Variants in FOXP1 observed in about 807,000 individuals in gnomAD.
FOXP1 encodes the protein forkhead box P1.
In FOXP1, 15 loss-of-function variants were observed where a neutral mutation model predicts 98.2. The ratio of observed to expected loss-of-function variants is 0.15; its 90% confidence interval spans 0.10 to 0.24. The LOEUF is 0.24. FOXP1 is among the 10% of genes least tolerant of loss of function. FOXP1 has a pLI of 1.00. For synonymous variants in FOXP1, 371 were observed against 314.5 expected, an observed-to-expected ratio of 1.18 and a Z score of -1.90; for missense variants, 633 against 848.5, an observed-to-expected ratio of 0.75 and a Z score of 3.15.
intron 6 of FOXP1, among the ~76,000 whole-genome samples, chr3:71,194,097 A>G (rs2063161165): frequency 1.3e-5 from 2 of 152,194 alleles, no homozygotes; most frequent in African/African-American, 4.8e-5. Flanking sequence ...CACTTTCTAA[A>G]TAATACATGT....
At chr3:71,398,980 G>C (rs576578289) in intron 3 of FOXP1, among the ~76,000 whole-genome samples, 1 of 152,118 alleles carries the variant, frequency 6.6e-6, no homozygotes, top group African/African-American at 2.4e-5. Context: ...GAACTATACA[G>C]CTATTTTATT....
chr3:71,555,066 A>C (rs941898612), intron 2 of FOXP1, among the ~76,000 whole-genome samples: 1 of 152,246 alleles, frequency 6.6e-6, no homozygotes, highest in Non-Finnish European at 1.5e-5. Context: ...TACAATGTAT[A>C]TATTTTTTAA....
intron 5 of FOXP1, among the ~76,000 whole-genome samples, chr3:71,284,982 C>A (rs1224453020): frequency 1.3e-5 from 2 of 151,960 alleles, no homozygotes; most frequent in Non-Finnish European, 2.9e-5. Context: ...AAATTAACTT[C>A]ATAAGAACTT....
At chr3:71,143,637 T>A (rs1382731155) in intron 6 of FOXP1, among the ~76,000 whole-genome samples, 1 of 152,204 alleles carries the variant, frequency 6.6e-6, no homozygotes, top group Non-Finnish European at 1.5e-5. Context: ...CTCACATATG[T>A]AATTCCAGTG....
intron 4 of FOXP1, among the ~76,000 whole-genome samples, chr3:71,340,791 G>A (rs967073577): frequency 6.6e-6 from 1 of 152,054 alleles, no homozygotes; most frequent in East Asian, 1.9e-4. Flanking sequence ...TGTAAATATG[G>A]CCTAAATGTC....
chr3:71,145,403 G>A (rs1006753950), intron 6 of FOXP1, among the ~76,000 whole-genome samples: 12 of 152,078 alleles, frequency 7.9e-5, no homozygotes, highest in African/African-American at 2.7e-4. Context: ...TGGGCGTGGT[G>A]GCACATGCCT....
intron 3 of FOXP1, among the ~76,000 whole-genome samples, chr3:71,431,682 A>G (rs2084735648): frequency 1.3e-5 from 2 of 152,208 alleles, no homozygotes; most frequent in Non-Finnish European, 2.9e-5. Context: ...AAGTTAATAG[A>G]AACTTCAGAA....
intron 3 of FOXP1, among the ~76,000 whole-genome samples, chr3:71,441,574 C>A (rs912659036): frequency 1.3e-5 from 2 of 152,234 alleles, no homozygotes; most frequent in Non-Finnish European, 2.9e-5. Context: ...ACGATGCCCC[C>A]GGCGTCACTA....
intron 3 of FOXP1, among the ~76,000 whole-genome samples, chr3:71,391,585 T>C (rs2081036985): frequency 1.3e-5 from 2 of 152,344 alleles, no homozygotes; most frequent in Admixed American, 6.5e-5. Context: ...GCTGCCAATG[T>C]CCTTGCAGCC....
At chr3:71,571,962 C>T (rs1436336383) in intron 2 of FOXP1, 1 of 152,154 alleles carries the variant, frequency 6.6e-6, no homozygotes, top group Non-Finnish European at 1.5e-5. Context: ...CTAAGTATAT[C>T]TTTATTTATA....
At chr3:71,230,341 T>C (rs185832289) in intron 5 of FOXP1, among the ~76,000 whole-genome samples, 1 of 152,312 alleles carries the variant, frequency 6.6e-6, no homozygotes, top group East Asian at 1.9e-4. Context: ...TCCTGACTTC[T>C]GGTGCCAAGA....
chr3:71,077,715 T>C (rs1218650033), intron 7 of FOXP1, among the ~76,000 whole-genome samples: 1 of 152,220 alleles, frequency 6.6e-6, no homozygotes, highest in Non-Finnish European at 1.5e-5. Context: ...CAACAAAGAT[T>C]TCATGAATTT....
At chr3:71,204,566 C>T (rs1418781385) in intron 5 of FOXP1, among the ~76,000 whole-genome samples, 1 of 152,144 alleles carries the variant, frequency 6.6e-6, no homozygotes, top group Non-Finnish European at 1.5e-5. Flanking sequence ...GAGGGCCATG[C>T]TTTTACACTG....
At chr3:71,555,186 C>A (rs1005481452) in intron 2 of FOXP1, among the ~76,000 whole-genome samples, 5 of 152,202 alleles carry the variant, frequency 3.3e-5, no homozygotes, top group Non-Finnish European at 5.9e-5. Context: ...TTACACTCTG[C>A]AGCGGGACTT....
intron 6 of FOXP1, among the ~76,000 whole-genome samples, chr3:71,119,532 A>G (rs902645359): frequency 6.6e-6 from 1 of 152,178 alleles, no homozygotes; most frequent in African/African-American, 2.4e-5. Context: ...GCAGCATAGG[A>G]ACATTAGTAG....
At chr3:71,433,556 G>A (rs1206918269) in intron 3 of FOXP1, among the ~76,000 whole-genome samples, 2 of 152,198 alleles carry the variant, frequency 1.3e-5, no homozygotes, top group Non-Finnish European at 2.9e-5. Context: ...CTCAGATTGT[G>A]CAAGGGGGAA....
Position 71,573,343 on chromosome 3 carries a change from G to A in FOXP1, c.-298+8206C>T, listed in dbSNP as rs115636799. 3.4e-3 allele frequency among the ~76,000 whole-genome samples: 518 copies of A among 151,714 alleles called. 4 individuals carry two copies. Among genetic ancestry groups the A allele is most frequent in the African/African-American group, 0.012 (493 of 41,322 alleles). On this transcript the variant is annotated intron_variant, in intron 2 of 20. Coordinates refer to ENST00000649528, the MANE Select transcript of FOXP1 (RefSeq NM_001349338.3). ...CTTTCGCCAGGTGGAGAGTCCCTCC[G>A]TCCCCACCCCCACCCCATCCTCATC... is the stretch of plus-strand genomic sequence containing the variant.
In FOXP1 at chr3:71,174,899, G is replaced by A. The variant is rs969289906; in HGVS notation, c.180+23303C>T. On this transcript the variant is annotated intron_variant, in intron 6 of 20. Coordinates refer to ENST00000649528, the MANE Select transcript of FOXP1 (RefSeq NM_001349338.3). Reference sequence around the variant, plus strand: ...CACAGCAGATTGCAGGTATGACCAAGTTGGAGTACATAAATGTTTTTTTTT... The same window carrying A: ...CACAGCAGATTGCAGGTATGACCAAATTGGAGTACATAAATGTTTTTTTTT... Among the ~76,000 whole-genome samples, 6 of 151,004 alleles carry A rather than the reference G, an allele frequency of 4.0e-5. No individual in the cohort carries two copies. In the East Asian group the frequency reaches 9.7e-4, roughly 24 times the overall value.
chr3:71,466,389 T>C (rs1350404674), intron 3 of FOXP1, among the ~76,000 whole-genome samples: 2 of 152,252 alleles, frequency 1.3e-5, no homozygotes, highest in Admixed American at 6.5e-5. Flanking sequence ...ATATCTTTAA[T>C]GAAATTCACA....
Sources: allele counts gnomAD v4.1 joint callset (sites outside exome capture counted in the v4.1 genomes callset), GRCh38; gene constraint gnomAD v4.1.1; transcripts MANE v1.5; gene names NCBI Gene and HGNC (gene_info 2026-07-23, HGNC 2026-07-21).